The following ABCC4 variants were observed in gnomAD, a reference collection of about 807,000 sequenced individuals.
The protein encoded by ABCC4 is ATP-binding cassette sub-family C member 4.
ABCC4 carries 102 observed loss-of-function variants against 168.5 expected under a neutral mutation model. That is an observed-to-expected ratio of 0.61 (90% CI 0.52 to 0.71). ABCC4 has a LOEUF of 0.71. Ranked by LOEUF, ABCC4 falls within the 30% of genes least tolerant of loss-of-function variation. ABCC4 has a pLI of 0.00. For missense variants in ABCC4, 1,402 were observed against 1,605.8 expected (o/e 0.87, Z 2.17); for synonymous variants, 617 against 590.7 (o/e 1.04, Z -0.65).
chr13:95,114,782 T>C (rs2035316930), intron 20 of ABCC4, among the ~76,000 whole-genome samples: 1 of 152,226 alleles, frequency 6.6e-6, no homozygotes, highest in South Asian at 2.1e-4. Flanking sequence ...TAGCTAATTT[T>C]CCAAATTAAG....
At chr13:95,191,342 T>C (rs1023926386) in intron 9 of ABCC4, among the ~76,000 whole-genome samples, 3 of 152,172 alleles carry the variant, frequency 2.0e-5, no homozygotes, top group Non-Finnish European at 4.4e-5. Flanking sequence ...TACCACATCA[T>C]AGGATGGCCG....
At chr13:95,127,495 C>A (rs1408260672) in intron 19 of ABCC4, among the ~76,000 whole-genome samples, 1 of 152,112 alleles carries the variant, frequency 6.6e-6, no homozygotes. Context: ...CCAGGCTGGT[C>A]TCGAACTCCT....
chr13:95,283,021 C>G (rs566840816), intron 1 of ABCC4, among the ~76,000 whole-genome samples: 1 of 151,822 alleles, frequency 6.6e-6, no homozygotes, highest in African/African-American at 2.4e-5. Flanking sequence ...TCAAGACCAT[C>G]CTGGTCAACA....
At chr13:95,104,697 G>A (rs1163450410) in intron 20 of ABCC4, among the ~76,000 whole-genome samples, 2 of 152,160 alleles carry the variant, frequency 1.3e-5, no homozygotes, top group Non-Finnish European at 2.9e-5. Flanking sequence ...ACAGTAACAA[G>A]GATAAGTAGC....
At chr13:95,226,969 T>G (rs1203778620) in intron 4 of ABCC4, among the ~76,000 whole-genome samples, 1 of 152,212 alleles carries the variant, frequency 6.6e-6, no homozygotes, top group East Asian at 1.9e-4. Flanking sequence ...CATAGGAGCT[T>G]TTAAAATTTC....
chr13:95,218,945 GAAAGA>G, intron 4 of ABCC4, among the ~76,000 whole-genome samples: 1 of 30,720 alleles, frequency 3.3e-5, no homozygotes, highest in Non-Finnish European at 7.3e-5. Context: ...AAGAAAGAAA[GAAAGA>G]AAGAAAGAAA....
chr13:95,034,763 C>T, intron 29 of ABCC4, 24 bp from the exon 30 acceptor site: 1 of 1,613,564 alleles, frequency 6.2e-7, no homozygotes, highest in Non-Finnish European at 8.5e-7. Flanking sequence ...GAAAGAAACC[C>T]ATTGAAACAC....
chr13:95,090,477 C>T (rs192342236), intron 20 of ABCC4, among the ~76,000 whole-genome samples: 176 of 152,278 alleles, frequency 1.2e-3, no homozygotes, highest in African/African-American at 4.0e-3. Flanking sequence ...CCGCCAGTGC[C>T]AACCGGGAAC....
At chr13:95,224,211 A>T (rs1477980007) in intron 4 of ABCC4, among the ~76,000 whole-genome samples, 1 of 151,856 alleles carries the variant, frequency 6.6e-6, no homozygotes, top group Non-Finnish European at 1.5e-5. Context: ...CCCAAAAAAA[A>T]AAAAAGAGAA....
chr13:95,121,526 A>G (rs968326185), intron 19 of ABCC4, among the ~76,000 whole-genome samples: 4 of 150,160 alleles, frequency 2.7e-5, no homozygotes, highest in Non-Finnish European at 4.4e-5. Flanking sequence ...CTCCTGCCTC[A>G]GCCTCCCAAG....
At chr13:95,077,976 C>G (rs564319489) in intron 21 of ABCC4, among the ~76,000 whole-genome samples, 1 of 152,190 alleles carries the variant, frequency 6.6e-6, no homozygotes, top group East Asian at 1.9e-4. Flanking sequence ...AAGTGGGAAG[C>G]CCTGGGTTGG....
chr13:95,173,075 C>A (rs2037535048), intron 13 of ABCC4, among the ~76,000 whole-genome samples: 1 of 152,222 alleles, frequency 6.6e-6, no homozygotes, highest in African/African-American at 2.4e-5. Context: ...AGACAACACC[C>A]TGAGTCGTGT....
intron 1 of ABCC4, among the ~76,000 whole-genome samples, chr13:95,279,925 T>A (rs545589093): frequency 6.6e-5 from 10 of 152,102 alleles, no homozygotes; most frequent in Non-Finnish European, 1.0e-4. Context: ...GAAGGACACT[T>A]GAGCCCTACT....
intron 19 of ABCC4, among the ~76,000 whole-genome samples, chr13:95,141,938 C>T (rs1007216690): frequency 1.3e-5 from 2 of 152,246 alleles, no homozygotes; most frequent in East Asian, 1.9e-4. Context: ...ATAAAGGAAA[C>T]TGGAAACTGG....
rs528397562 is a variant in ABCC4, at chr13:95,098,085, G to T, written c.2536-14795C>A. On this transcript the variant is annotated intron_variant, in intron 20 of 30. Transcript: ENST00000645237. ...TGGGAGGTGGAGGTTGCAGTGAGCC[G>T]AGATTGCACCACTGCACTCCAGCCT... Among the ~76,000 whole-genome samples, 409 of 146,730 alleles carry T rather than the reference G, an allele frequency of 2.8e-3. 1 individual carries two copies. The highest frequency in any genetic ancestry group is 9.8e-3 in the African/African-American group (383 of 39,034).
intron 19 of ABCC4, among the ~76,000 whole-genome samples, chr13:95,137,788 C>A (rs1391964063): frequency 1.3e-5 from 2 of 152,094 alleles, no homozygotes; most frequent in Non-Finnish European, 2.9e-5. Flanking sequence ...GAGACTGGCC[C>A]AAATGTTGCA....
chr13:95,253,232 C>T (rs755475290), intron 1 of ABCC4, among the ~76,000 whole-genome samples: 3 of 152,198 alleles, frequency 2.0e-5, no homozygotes, highest in Non-Finnish European at 2.9e-5. Flanking sequence ...TGCACACTGA[C>T]CCTCCCATGG....
At chr13:95,216,354 A>G (rs2039108999) in intron 4 of ABCC4, among the ~76,000 whole-genome samples, 1 of 152,170 alleles carries the variant, frequency 6.6e-6, no homozygotes, top group South Asian at 2.1e-4. Flanking sequence ...AAATATTTTG[A>G]TTCTATGCTT....
At position 95,239,090 on chromosome 13, in the gene ABCC4, T is replaced by C. The variant is rs538758198; in HGVS notation, c.307-4256A>G. Reference sequence around the variant, plus strand: ...AAACAAAATAGTTTAACTAGTTTATTTGACTGTAAAAAAAAATAGTTTGAA... The same window carrying C: ...AAACAAAATAGTTTAACTAGTTTATCTGACTGTAAAAAAAAATAGTTTGAA... On this transcript the variant is annotated intron_variant, in intron 3 of 30. Transcript: ENST00000645237. Among the ~76,000 whole-genome samples, 3 of 97,190 alleles carry C rather than the reference T, an allele frequency of 3.1e-5. No homozygotes were observed. In the Admixed American group the frequency reaches 3.4e-4, roughly 11 times the overall value. The allele number at this position is 97,190 out of a possible 152,430, so 63.8% of individuals were successfully genotyped here. A position where few individuals can be genotyped will look rare whatever the true frequency, so the allele number is the denominator to read the frequency against.
Sources: gnomAD v4.1 joint callset for allele counts (sites outside exome capture counted in the v4.1 genomes callset) on GRCh38, gnomAD v4.1.1 for gene constraint, MANE v1.5 for transcripts, NCBI Gene and HGNC (gene_info 2026-07-23, HGNC 2026-07-21) for gene names.